The following NSFL1C variants were observed in gnomAD, a reference collection of about 807,000 sequenced individuals.
NSFL1C encodes NSFL1 cofactor p47.
Under a neutral mutation model 43.1 loss-of-function variants are expected in NSFL1C, and 14 were observed. The ratio of observed to expected loss-of-function variants is 0.32; its 90% confidence interval spans 0.21 to 0.51. NSFL1C has a LOEUF of 0.51. Ranked by LOEUF, NSFL1C falls within the 20% of genes least tolerant of loss-of-function variation. The probability of loss-of-function intolerance (pLI) is 0.98; values close to 1 mark genes in which losing one functional copy is unlikely to be tolerated. For synonymous variants in NSFL1C, 171 were observed against 183.5 expected (o/e 0.93, Z 0.55); for missense variants, 406 against 472.5 (o/e 0.86, Z 1.30).
Position 1,443,532 on chromosome 20 carries a change from T to G in NSFL1C, c.*217A>C. On this transcript the variant is annotated 3_prime_UTR_variant, in exon 9 of 9. Coordinates refer to ENST00000216879, the MANE Select transcript of NSFL1C (RefSeq NM_016143.5). Reference sequence around the variant, plus strand: ...TCAATTTTTTTGGTTGTTTTTATTTTTTTTTTCATTAAAGTCCATTGATCA... The same window carrying G: ...TCAATTTTTTTGGTTGTTTTTATTTGTTTTTTCATTAAAGTCCATTGATCA... 1 of 436,050 alleles carries G rather than the reference T, an allele frequency of 2.3e-6. No individual in the cohort carries two copies. The highest frequency in any genetic ancestry group is 4.1e-6 in the Non-Finnish European group (1 of 246,252). The allele number at this position is 436,050 out of a possible 1,614,324, so 27.0% of individuals were successfully genotyped here.
Position 1,442,375 on chromosome 20 carries a change from C to T in NSFL1C, c.*1374G>A, listed in dbSNP as rs1317565411. 6.6e-6 allele frequency: 1 copy of T among 152,198 alleles called. No homozygotes were observed. The highest frequency in any genetic ancestry group is 1.5e-5 in the Non-Finnish European group (1 of 68,048). The allele number at this position is 152,198 out of a possible 1,614,324, so 9.4% of individuals were successfully genotyped here. A position where few individuals can be genotyped will look rare whatever the true frequency, so the allele number is the denominator to read the frequency against. On this transcript the variant is annotated 3_prime_UTR_variant, in exon 9 of 9. Transcript: ENST00000216879. ...GATGGGTCTTGGTTGAAACCACAAG[C>T]CCTTCTGCAGTTCTAGGTGGATGTA...
chr20:1,464,790 T>C (rs1006229786), intron 1 of NSFL1C, among the ~76,000 whole-genome samples: 1 of 152,198 alleles, frequency 6.6e-6, no homozygotes, highest in African/African-American at 2.4e-5. Context: ...AAGAACTCTA[T>C]GCTATTAGTA....
chr20:1,466,147 G>C (rs1442541216), intron 1 of NSFL1C, among the ~76,000 whole-genome samples: 1 of 152,214 alleles, frequency 6.6e-6, no homozygotes, highest in Non-Finnish European at 1.5e-5. Flanking sequence ...CAAGTATTTA[G>C]TGAATACTCA....
At chr20:1,444,890 C>G (rs923256318) in intron 8 of NSFL1C, among the ~76,000 whole-genome samples, 4 of 152,192 alleles carry the variant, frequency 2.6e-5, no homozygotes, top group Non-Finnish European at 5.9e-5. Context: ...CTAGATGCAC[C>G]TGGCTCACAG....
At chr20:1,456,067 A>T (rs1432921664) in intron 3 of NSFL1C, 2 of 263,450 alleles carry the variant, frequency 7.6e-6, no homozygotes, top group African/African-American at 4.4e-5. Flanking sequence ...CTAAGTCAAC[A>T]GCTTGTCCCC....
chr20:1,465,380 C>A (rs1422106531), intron 1 of NSFL1C, among the ~76,000 whole-genome samples: 1 of 152,210 alleles, frequency 6.6e-6, no homozygotes, highest in East Asian at 1.9e-4. Context: ...AGTCCTGTTC[C>A]TGCCAGGCAA....
chr20:1,452,511 T>G lies in NSFL1C; in HGVS notation c.767A>C (p.Glu256Ala). 1 of 1,614,198 alleles carries G rather than the reference T, an allele frequency of 6.2e-7. No homozygotes were observed. Among genetic ancestry groups the G allele is most frequent in the Non-Finnish European group, 8.5e-7 (1 of 1,180,030 alleles). The change falls in exon 7 of 9, where the codon GAG becomes GCG. Residue 256 changes from glutamate (E) to alanine (A), a missense_variant. By Grantham distance (107) the Glu-to-Ala change is moderately radical. Coordinates refer to ENST00000216879, the MANE Select transcript of NSFL1C (RefSeq NM_016143.5). ...CCCTTACCTGCCCAGTTTCTGACCC[T>G]CGCCAGTGAAGGCTTTGAAGGCTCC... Reference protein sequence around the residue: ...PKGAFKAFTGEGQKLGSTAPQ... With the variant: ...PKGAFKAFTGAGQKLGSTAPQ...
chr20:1,455,708 A>C (rs774821724), intron 3 of NSFL1C: 1 of 779,722 alleles, frequency 1.3e-6, no homozygotes. Flanking sequence ...CACATGCCCT[A>C]CCTACCTGCT....
chr20:1,446,118 A>G (rs1303779606), intron 7 of NSFL1C: 2 of 509,370 alleles, frequency 3.9e-6, no homozygotes, highest in Non-Finnish European at 3.7e-6. Context: ...CTTCAACTGA[A>G]CAAGGGCTTG....
chr20:1,460,711 T>C lies in NSFL1C; in HGVS notation c.204-2437A>G, dbSNP rs370013811. On this transcript the variant is annotated intron_variant, in intron 2 of 8. Transcript: ENST00000216879. ...TCCAACAGAGAAGCCACTAGCCACA[T>C]TTGGCTATTAAGCATCTGAAATGTG... 6.2e-4 allele frequency among the ~76,000 whole-genome samples: 94 copies of C among 152,340 alleles called. 1 individual carries two copies. The East Asian group carries it at 0.012, about 19-fold the overall frequency.
At chr20:1,454,114 TCA>T (rs2090245146) in intron 5 of NSFL1C, 97 bp downstream of exon 5, 3 of 909,276 alleles carry the variant, frequency 3.3e-6, no homozygotes, top group Non-Finnish European at 5.4e-6. Flanking sequence ...AGTTTCCCTT[TCA>T]GAGGCTGCTG....
At chr20:1,451,206 T>C (rs898157190) in intron 7 of NSFL1C, among the ~76,000 whole-genome samples, 3 of 152,230 alleles carry the variant, frequency 2.0e-5, no homozygotes, top group Non-Finnish European at 4.4e-5. Flanking sequence ...GATGAAATGA[T>C]GAGAACAGGG....
intron 2 of NSFL1C, among the ~76,000 whole-genome samples, chr20:1,461,714 T>C (rs936621344): frequency 6.6e-6 from 1 of 152,154 alleles, no homozygotes; most frequent in Non-Finnish European, 1.5e-5. Context: ...CTCTGTGATC[T>C]TGGAAAGATA....
intron 7 of NSFL1C, among the ~76,000 whole-genome samples, chr20:1,446,958 G>A (rs1409723135): frequency 1.3e-5 from 2 of 152,200 alleles, no homozygotes; most frequent in African/African-American, 4.8e-5. Flanking sequence ...GGAAGGTGTA[G>A]GAAAGGCCAC....
intron 2 of NSFL1C, chr20:1,463,508 G>C (rs377092867): frequency 6.6e-6 from 1 of 152,184 alleles, no homozygotes; most frequent in East Asian, 1.9e-4. Flanking sequence ...TTCGAAGGGA[G>C]GAAATATATT....
At chr20:1,455,691 G>A (rs559890748) in intron 3 of NSFL1C, 8 of 779,714 alleles carry the variant, frequency 1.0e-5, no homozygotes, top group East Asian at 2.4e-5. Context: ...AAACGGGAGG[G>A]AAGGACCACA....
intron 2 of NSFL1C, among the ~76,000 whole-genome samples, chr20:1,461,096 T>C (rs6033849): frequency 0.011 from 1,616 of 152,274 alleles, 29 homozygotes; most frequent in African/African-American, 0.037. Context: ...TTCAAAGCTG[T>C]TGAACAGTAT....
intron 7 of NSFL1C, among the ~76,000 whole-genome samples, chr20:1,446,576 A>G (rs2090064153): frequency 6.6e-6 from 1 of 152,196 alleles, no homozygotes; most frequent in South Asian, 2.1e-4. Context: ...CAAAGGTAGT[A>G]ATTAGATTTT....
At chr20:1,447,363 G>A (rs994604710) in intron 7 of NSFL1C, among the ~76,000 whole-genome samples, 1 of 151,594 alleles carries the variant, frequency 6.6e-6, no homozygotes, top group Non-Finnish European at 1.5e-5. Flanking sequence ...GGCCGTATGC[G>A]ACCCAGGACA....
Sources: allele counts gnomAD v4.1 joint callset (sites outside exome capture counted in the v4.1 genomes callset), GRCh38; gene constraint gnomAD v4.1.1; transcripts MANE v1.5; gene names NCBI Gene and HGNC (gene_info 2026-07-23, HGNC 2026-07-21).